Variants in CHRNB4 observed in about 807,000 individuals in gnomAD.
CHRNB4 encodes the protein cholinergic receptor nicotinic beta 4 subunit.
CHRNB4 carries 23 observed loss-of-function variants against 40.4 expected under a neutral mutation model. The ratio of observed to expected loss-of-function variants is 0.57; its 90% CI spans 0.41 to 0.81. The LOEUF (loss-of-function observed/expected upper bound fraction) is 0.81. CHRNB4 is among the 30% of genes least tolerant of loss of function. The probability of loss-of-function intolerance (pLI) is 0.00; values close to 1 mark genes in which losing one functional copy is unlikely to be tolerated. For synonymous variants in CHRNB4, 285 were observed against 274.4 expected, an observed-to-expected ratio of 1.04 and a Z score of -0.38; for missense variants, 568 against 670.6, an observed-to-expected ratio of 0.85 and a Z score of 1.69.
intron 5 of CHRNB4, chr15:78,627,543 G>A (rs561057248): frequency 6.6e-6 from 1 of 152,252 alleles, no homozygotes; most frequent in South Asian, 2.1e-4. Flanking sequence ...AGAATGCAGC[G>A]AGTGGAAAGC....
At chr15:78,638,633 G>C (rs1359085814) in intron 1 of CHRNB4, among the ~76,000 whole-genome samples, 1 of 152,054 alleles carries the variant, frequency 6.6e-6, no homozygotes, top group Admixed American at 6.6e-5. Flanking sequence ...GGGGCCGGGG[G>C]GGTGGTGCAC....
intron 2 of CHRNB4, among the ~76,000 whole-genome samples, chr15:78,634,202 T>A (rs1469680729): frequency 1.1e-4 from 17 of 152,140 alleles, no homozygotes; most frequent in Admixed American, 1.1e-3. Context: ...CATCCCCTCC[T>A]CCTTCTGGTA....
At chr15:78,657,215 A>G (rs1161419342) in intron 3 of CHRNB4, 3 of 151,860 alleles carry the variant, frequency 2.0e-5, no homozygotes, top group Non-Finnish European at 4.4e-5. Flanking sequence ...AGTGGAGACC[A>G]TGTTGGCCAG....
upstream of CHRNB4, chr15:78,661,167 C>G (rs1045065088): frequency 1.6e-6 from 1 of 621,750 alleles, no homozygotes; most frequent in Non-Finnish European, 3.1e-6. Context: ...GCCGGTACAC[C>G]TCTTGGCCCT....
rs1163545015 is a variant in CHRNB4 at position 78,631,182 on chromosome 15, A to G, written c.253T>C (p.Trp85Arg). 4 of 1,614,054 alleles carry G rather than the reference A, an allele frequency of 2.5e-6. No homozygotes were observed. The highest frequency in any genetic ancestry group is 2.2e-5 in the East Asian group (1 of 44,898). Residue 85 changes from tryptophan (W) to arginine (R), a missense_variant, in exon 4 of 6, where the codon TGG becomes CGG. Trp to Arg is a moderately radical substitution (Grantham distance 101, BLOSUM62 -3). This residue lies in a region of CHRNB4 where 161 missense variants were observed against 148.1 expected (regional missense o/e 1.09). Coordinates refer to ENST00000261751, the MANE Select transcript of CHRNB4 (RefSeq NM_000750.5). Reference protein sequence around the residue: ...MTTNVWLKQEWTDYRLTWNSS... With the variant: ...MTTNVWLKQERTDYRLTWNSS... ...TTCCAGGTCAGGCGGTAATCAGTCC[A>G]TTCCTGGACAGACAGGCAAGGCCCT... is the stretch of plus-strand genomic sequence containing the variant.
In CHRNB4 at chr15:78,625,084, G is replaced by T. The variant is rs1187041192; in HGVS notation, c.*49C>A. 3.1e-6 allele frequency: 5 copies of T among 1,612,644 alleles called. No individual in the cohort carries two copies. The highest frequency in any genetic ancestry group is 2.5e-6 in the Non-Finnish European group (3 of 1,179,826). On this transcript the variant is annotated 3_prime_UTR_variant, in exon 6 of 6. Coordinates refer to ENST00000261751, the MANE Select transcript of CHRNB4 (RefSeq NM_000750.5). ...CCACAACCCAGAAAGAAGCAGCAAA[G>T]TGCCCACCCGGCCACTCACATCCTC...
intron 7 of CHRNB4, chr15:78,649,347 G>A: frequency 2.2e-6 from 1 of 445,082 alleles, no homozygotes; most frequent in South Asian, 1.6e-5. Flanking sequence ...CCATCAACAA[G>A]AACACGGAGG....
chr15:78,648,733 G>A lies in CHRNB4; in HGVS notation c.46+646C>T, dbSNP rs973740796. 4.3e-5 allele frequency among the ~76,000 whole-genome samples: 6 copies of A among 139,820 alleles called. 1 individual carries two copies. The highest frequency in any genetic ancestry group is 2.1e-4 in the East Asian group (1 of 4,756). The allele number at this position is 139,820 out of a possible 152,430, so 91.7% of individuals were successfully genotyped here. On this transcript the variant is annotated intron_variant and NMD_transcript_variant, in intron 7 of 11. Transcript: ENST00000559849. Reference sequence around the variant, plus strand: ...GGCGCCACTGCACTCCAGCCTGGGCGACAGAGTGAGACTCTGTCTCAAAAA... The same window carrying A: ...GGCGCCACTGCACTCCAGCCTGGGCAACAGAGTGAGACTCTGTCTCAAAAA...
intron 5 of CHRNB4, chr15:78,626,384 G>GTGTGTGTGTGTGTGTGTGTGTGTGTGTT (rs35851650): frequency 1.3e-4 from 11 of 86,870 alleles, no homozygotes; most frequent in African/African-American, 4.3e-4. Context: ...GTGTGTGTGT[G>GTGTGTGTGTGTGTGTGTGTGTGTGTGTT]TTTCCCCCTT....
chr15:78,660,140 G>A (rs1487282180), intron 1 of CHRNB4, among the ~76,000 whole-genome samples: 1 of 151,328 alleles, frequency 6.6e-6, no homozygotes, highest in Non-Finnish European at 1.5e-5. Flanking sequence ...CTGGAAGGCA[G>A]AAGCTGTAGT....
chr15:78,647,682 TA>T (rs1277102380), intron 7 of CHRNB4, among the ~76,000 whole-genome samples: 13 of 54,168 alleles, frequency 2.4e-4, no homozygotes, highest in African/African-American at 6.4e-4. Flanking sequence ...CCGTCTCTAC[TA>T]AAAATCCAAA....
At chr15:78,648,968 G>A (rs933437134) in intron 7 of CHRNB4, among the ~76,000 whole-genome samples, 9 of 152,116 alleles carry the variant, frequency 5.9e-5, no homozygotes, top group South Asian at 2.1e-4. Context: ...TGTAGAGACC[G>A]GGTCCCACTA....
intron 2 of CHRNB4, among the ~76,000 whole-genome samples, chr15:78,658,019 CTT>C (rs1023779925): frequency 4.6e-5 from 6 of 131,384 alleles, no homozygotes; most frequent in South Asian, 2.5e-4. Context: ...ATGACTGTCT[CTT>C]GTTTCTCTTT....
At chr15:78,648,557 C>T (rs570454157) in intron 7 of CHRNB4, among the ~76,000 whole-genome samples, 1 of 151,574 alleles carries the variant, frequency 6.6e-6, no homozygotes, top group East Asian at 2.0e-4. Context: ...AGTTCGAGAC[C>T]AGCCTGGCCA....
Position 78,624,797 on chromosome 15 carries a change from T to C in CHRNB4, c.*336A>G. 1 of 571,346 alleles carries C rather than the reference T, an allele frequency of 1.8e-6. No individual in the cohort carries two copies. The highest frequency in any genetic ancestry group is 3.0e-5 in the South Asian group (1 of 32,820). 35.4% of individuals were successfully genotyped at this position (571,346 alleles called of 1,614,324 possible). ...GACAAGGGGAAGTGGAGAGAGATGG[T>C]GATGGAGAGGCAGGCCGGCACCATG... On this transcript the variant is annotated 3_prime_UTR_variant, in exon 6 of 6. Coordinates refer to ENST00000261751, the MANE Select transcript of CHRNB4 (RefSeq NM_000750.5).
intron 6 of CHRNB4, among the ~76,000 whole-genome samples, chr15:78,650,949 T>A (rs151026686): frequency 6.6e-6 from 1 of 152,068 alleles, no homozygotes; most frequent in Non-Finnish European, 1.5e-5. Context: ...TGAGATTTCA[T>A]AGGGCGTAAG....
intron 4 of CHRNB4, 123 bp from the exon 5 acceptor site, chr15:78,630,068 G>A: frequency 8.9e-7 from 1 of 1,129,548 alleles, no homozygotes; most frequent in South Asian, 2.2e-5. Context: ...AATCCCCCAG[G>A]CCCTCACTGA....
intron 4 of CHRNB4, among the ~76,000 whole-genome samples, chr15:78,630,256 G>A (rs1342136419): frequency 2.0e-5 from 3 of 151,286 alleles, no homozygotes; most frequent in East Asian, 1.9e-4. Context: ...CTCCTGTCTC[G>A]GCCTCCCAAG....
chr15:78,629,852 G>T lies in CHRNB4; in HGVS notation c.453C>A (p.Ser151Arg). The T allele has an allele frequency of 1.2e-6, 2 of 1,613,962 alleles. No individual in the cohort carries two copies. Among genetic ancestry groups the T allele is most frequent in the East Asian group, 4.5e-5 (2 of 44,876 alleles). Residue 151 changes from serine to arginine, a missense_variant, in exon 5 of 6, where the codon AGC becomes AGA. Physicochemically the swap from Ser to Arg is moderately radical, Grantham distance 110. Transcript: ENST00000261751. This position sits in a 1 kb window ranked among gnomAD's most constrained non-coding sequence, Gnocchi z 6.8. ...AGTACTTCACCTCAATCTTGCAGGCGCTCTTGTAGATGGCAGGGGGCAGCC... is the reference window on the plus strand; with the variant it reads ...AGTACTTCACCTCAATCTTGCAGGCTCTCTTGTAGATGGCAGGGGGCAGCC... ...VLWLPPAIYK[S>R]ACKIEVKYFP...
Sources: allele counts gnomAD v4.1 joint callset (sites outside exome capture counted in the v4.1 genomes callset), GRCh38; gene constraint gnomAD v4.1.1; regional missense constraint gnomAD v4.1.1; non-coding constraint Gnocchi (gnomAD v3.1); transcripts MANE v1.5; gene names NCBI Gene and HGNC (gene_info 2026-07-23, HGNC 2026-07-21).